The following RXFP2 variants were observed in gnomAD, a reference collection of about 807,000 sequenced individuals.
The protein encoded by RXFP2 is relaxin receptor 2.
Under a neutral mutation model 88.6 loss-of-function variants are expected in RXFP2, and 68 were observed. The ratio of observed to expected loss-of-function variants is 0.77; its 90% CI spans 0.63 to 0.94. RXFP2 has a LOEUF of 0.94. Among genes scored for constraint, RXFP2 ranks in the 40% least tolerant of loss-of-function variants. The pLI is 0.00. For missense variants in RXFP2, 791 were observed against 893.9 expected, an observed-to-expected ratio of 0.88 and a Z score of 1.47; for synonymous variants, 329 against 306.8, an observed-to-expected ratio of 1.07 and a Z score of -0.76.
chr13:31,740,428 G>C lies in RXFP2; in HGVS notation c.94+722G>C, dbSNP rs189485729. On this transcript the variant is annotated intron_variant, in intron 1 of 17. Coordinates refer to ENST00000298386, the MANE Select transcript of RXFP2 (RefSeq NM_130806.5). ...TTAACCACACCCAAGATTTGCTGGGGTTTATTATTATTCAAAAATGTTTCT... is the reference window on the plus strand; with the variant it reads ...TTAACCACACCCAAGATTTGCTGGGCTTTATTATTATTCAAAAATGTTTCT... Among the ~76,000 whole-genome samples, 328 of 151,984 alleles carry C rather than the reference G, an allele frequency of 2.2e-3. 1 individual carries two copies. Among genetic ancestry groups the C allele is most frequent in the Non-Finnish European group, 3.5e-3 (237 of 67,886 alleles).
intron 13 of RXFP2, among the ~76,000 whole-genome samples, chr13:31,787,207 C>T (rs1873584072): frequency 6.6e-6 from 1 of 152,196 alleles, no homozygotes; most frequent in South Asian, 2.1e-4. Flanking sequence ...CAATTGCTGG[C>T]TAAAGGTTGT....
chr13:31,768,044 A>T (rs1487291343), intron 5 of RXFP2, among the ~76,000 whole-genome samples: 1 of 152,178 alleles, frequency 6.6e-6, no homozygotes, highest in Non-Finnish European at 1.5e-5. Flanking sequence ...TAGCCCACTG[A>T]AGAGAAGAAT....
intron 7 of RXFP2, 119 bp downstream of exon 7, chr13:31,775,508 TC>T: frequency 1.2e-6 from 1 of 801,976 alleles, no homozygotes. Context: ...TTTCTGATTA[TC>T]ATATAATCTG....
chr13:31,758,672 C>T (rs1041395823), intron 2 of RXFP2, among the ~76,000 whole-genome samples: 1 of 152,098 alleles, frequency 6.6e-6, no homozygotes. Flanking sequence ...TACTTCAATA[C>T]TCATATTTTA....
At chr13:31,777,139 G>A (rs1873025347) in intron 7 of RXFP2, among the ~76,000 whole-genome samples, 1 of 152,106 alleles carries the variant, frequency 6.6e-6, no homozygotes, top group African/African-American at 2.4e-5. Context: ...GCAGGAGGTG[G>A]AGGCAGCAGG....
At chr13:31,761,519 A>G (rs1395525029) in intron 2 of RXFP2, among the ~76,000 whole-genome samples, 1 of 152,256 alleles carries the variant, frequency 6.6e-6, no homozygotes, top group Non-Finnish European at 1.5e-5. Context: ...ATTTTATGAT[A>G]CATACATTTG....
chr13:31,760,791 A>G (rs1872270181), intron 2 of RXFP2, among the ~76,000 whole-genome samples: 1 of 152,196 alleles, frequency 6.6e-6, no homozygotes, highest in African/African-American at 2.4e-5. Flanking sequence ...TTATTATTTT[A>G]TAACATATAG....
At chr13:31,789,716 ATTAT>A (rs931082392) in intron 14 of RXFP2, among the ~76,000 whole-genome samples, 2 of 152,212 alleles carry the variant, frequency 1.3e-5, no homozygotes, top group African/African-American at 4.8e-5. Context: ...TGTGTTCATA[ATTAT>A]TTCTTTATCA....
intron 15 of RXFP2, 108 bp downstream of exon 15, chr13:31,792,143 A>T (rs1947327738): frequency 1.2e-6 from 1 of 840,548 alleles, no homozygotes; most frequent in South Asian, 1.7e-5. Context: ...AATGTGAATT[A>T]TACATCCTGG....
chr13:31,746,360 T>A (rs937664587), intron 1 of RXFP2, among the ~76,000 whole-genome samples: 1 of 152,244 alleles, frequency 6.6e-6, no homozygotes, highest in African/African-American at 2.4e-5. Context: ...TAATTCTACT[T>A]GAAACGGTGT....
intron 1 of RXFP2, 83 bp from the exon 2 acceptor site, chr13:31,758,175 T>A: frequency 7.1e-7 from 1 of 1,400,516 alleles, no homozygotes; most frequent in Non-Finnish European, 1.0e-6. Context: ...TCAACTCATA[T>A]AGCTCTTGTG....
chr13:31,770,646 T>C (rs1041614782), intron 5 of RXFP2, among the ~76,000 whole-genome samples: 1 of 152,228 alleles, frequency 6.6e-6, no homozygotes, highest in African/African-American at 2.4e-5. Flanking sequence ...TCCTTGACAC[T>C]TTCTTGCTTC....
chr13:31,779,734 AC>A (rs1873179137), intron 9 of RXFP2, among the ~76,000 whole-genome samples: 1 of 152,094 alleles, frequency 6.6e-6, no homozygotes, highest in African/African-American at 2.4e-5. Flanking sequence ...GGAACTCAAG[AC>A]CCATAAGATG....
chr13:31,749,047 T>C (rs938540558), intron 1 of RXFP2, among the ~76,000 whole-genome samples: 3 of 152,192 alleles, frequency 2.0e-5, no homozygotes, highest in Non-Finnish European at 2.9e-5. Context: ...CTAATTTAGG[T>C]ATCTTTTCCT....
At chr13:31,759,413 G>GAAAGAAAGAAAGAAAGAAA in intron 2 of RXFP2, among the ~76,000 whole-genome samples, 2 of 150,184 alleles carry the variant, frequency 1.3e-5, no homozygotes, top group Non-Finnish European at 3.0e-5. Flanking sequence ...AAGAAAGAAA[G>GAAAGAAAGAAAGAAAGAAA]AAAGAAAGAA....
rs1459397618 is a variant in RXFP2 at position 31,792,805 on chromosome 13, G to A, written c.1503G>A (p.Leu501=). ...ESVQCRLMGF[L]AMLSTEVSVL... The stretch of plus-strand genomic sequence containing the variant: ...TGCAGTGCCGCCTCATGGGGTTCCT[G>A]GCCATGCTGTCCACCGAAGTCTCTG... The change falls in exon 16 of 18, where the codon CTG becomes CTA. Residue 501 remains leucine (L), a synonymous_variant. Transcript: ENST00000298386. 1 of 1,614,102 alleles carries A rather than the reference G, an allele frequency of 6.2e-7. No individual in the cohort carries two copies. Among genetic ancestry groups the A allele is most frequent in the African/African-American group, 1.3e-5 (1 of 75,028 alleles).
chr13:31,746,029 C>T (rs1341021198), intron 1 of RXFP2, among the ~76,000 whole-genome samples: 4 of 152,200 alleles, frequency 2.6e-5, no homozygotes, highest in South Asian at 2.1e-4. Flanking sequence ...GTTTGGCCTT[C>T]GGCATACCAA....
intron 8 of RXFP2, 117 bp from the exon 9 acceptor site, chr13:31,778,395 T>C (rs1873094941): frequency 1.1e-5 from 8 of 723,548 alleles, no homozygotes; most frequent in Non-Finnish European, 1.7e-5. Context: ...GCTATATATG[T>C]TATCATCATA....
intron 1 of RXFP2, among the ~76,000 whole-genome samples, chr13:31,757,205 C>T (rs1478877026): frequency 6.6e-6 from 1 of 152,148 alleles, no homozygotes; most frequent in Non-Finnish European, 1.5e-5. Flanking sequence ...CTGATTTATG[C>T]TCCTTGAAAT....
Sources: allele counts gnomAD v4.1 joint callset (sites outside exome capture counted in the v4.1 genomes callset), GRCh38; gene constraint gnomAD v4.1.1; transcripts MANE v1.5; gene names NCBI Gene and HGNC (gene_info 2026-07-23, HGNC 2026-07-21).